The following PDPK1 variants were observed in gnomAD, a reference collection of about 807,000 sequenced individuals.
PDPK1 encodes 3-phosphoinositide dependent protein kinase 1.
Under a neutral mutation model 39.8 loss-of-function variants are expected in PDPK1, and 7 were observed. The observed-to-expected ratio is 0.18, with a 90% CI of 0.10 to 0.33. The LOEUF (loss-of-function observed/expected upper bound fraction) is 0.33, where lower values mean the gene tolerates loss of function less well. Ranked by LOEUF, PDPK1 falls within the 10% of genes least tolerant of loss-of-function variation. The pLI, the probability that PDPK1 is intolerant of heterozygous loss-of-function variation, is 1.00. For missense variants in PDPK1, 182 were observed against 384.7 expected (o/e 0.47, Z 4.41); for synonymous variants, 118 against 159.1 (o/e 0.74, Z 1.95).
chr16:2,543,162 G>A (rs574637919), intron 1 of PDPK1, among the ~76,000 whole-genome samples: 30 of 14,590 alleles, frequency 2.1e-3, no homozygotes, highest in Admixed American at 3.2e-3. Flanking sequence ...GTGGGAAAGG[G>A]GCCCGCACTC....
chr16:2,588,507 T>C (rs572729076), intron 11 of PDPK1, among the ~76,000 whole-genome samples: 13 of 152,184 alleles, frequency 8.5e-5, no homozygotes, highest in Non-Finnish European at 1.9e-4. Flanking sequence ...TCAGCTCCTT[T>C]GGTGACTCCC....
At chr16:2,585,582 G>A (rs559890852) in intron 10 of PDPK1, among the ~76,000 whole-genome samples, 15 of 152,344 alleles carry the variant, frequency 9.8e-5, no homozygotes, top group African/African-American at 2.9e-4. Flanking sequence ...TGTAAGTGCC[G>A]GGGCAGTGTG....
rs926575905 is a variant in PDPK1 at position 2,593,516 on chromosome 16, G to C, written c.1344-2277G>C. On this transcript the variant is annotated intron_variant, in intron 11 of 13. Transcript: ENST00000342085. This position sits in a 1 kb window ranked among gnomAD's most constrained non-coding sequence, Gnocchi z 4.2. ...ACACAGGTTGCAGGGATGGGCTGCT[G>C]TGTTCTTCTGGTTTTTCTCTCCTTC... 4 of 187,248 alleles carry C rather than the reference G, an allele frequency of 2.1e-5. No homozygotes were observed. The South Asian group carries it at 3.9e-4, about 18-fold the overall frequency. The allele number at this position is 187,248 out of a possible 1,614,324, so 11.6% of individuals were successfully genotyped here. A position where few individuals can be genotyped will look rare whatever the true frequency, so the allele number is the denominator to read the frequency against.
At chr16:2,538,532 G>C in intron 1 of PDPK1, 2 of 827,072 alleles carry the variant, frequency 2.4e-6, no homozygotes, top group Non-Finnish European at 3.5e-6. Flanking sequence ...ACCTGGAACG[G>C]GGTCCTTGGC....
intron 11 of PDPK1, among the ~76,000 whole-genome samples, chr16:2,595,186 A>G (rs946148468): frequency 2.0e-5 from 3 of 152,216 alleles, no homozygotes; most frequent in Admixed American, 2.0e-4. Flanking sequence ...AATAATGTAT[A>G]TTAAATTAAA....
At chr16:2,542,479 G>A (rs1205707799) in intron 1 of PDPK1, among the ~76,000 whole-genome samples, 2 of 152,150 alleles carry the variant, frequency 1.3e-5, no homozygotes, top group East Asian at 3.8e-4. Flanking sequence ...TTAAAGAGTT[G>A]GATTATACAG....
rs759751812 is a variant in PDPK1 at position 2,599,018 on chromosome 16, C to T, written c.*1251C>T. 61 of 233,212 alleles carry T rather than the reference C, an allele frequency of 2.6e-4. No individual in the cohort carries two copies. The highest frequency in any genetic ancestry group is 4.1e-4 in the Non-Finnish European group (49 of 118,076). The allele number at this position is 233,212 out of a possible 1,614,324, so 14.4% of individuals were successfully genotyped here. A position where few individuals can be genotyped will look rare whatever the true frequency, so the allele number is the denominator to read the frequency against. ...CACACTTCAACCCCAGCTTGCTGGT[C>T]GGCTTTCCTCTAGAGAGAGCCGGTT... On this transcript the variant is annotated 3_prime_UTR_variant, in exon 14 of 14. Transcript: ENST00000342085.
chr16:2,538,797 C>G (rs971010508), intron 1 of PDPK1: 95 of 1,262,042 alleles, frequency 7.5e-5, no homozygotes, highest in Non-Finnish European at 9.4e-5. Context: ...GGGGAAGGAC[C>G]AAAACAAACC....
chr16:2,542,563 A>T (rs1436692013), intron 1 of PDPK1, among the ~76,000 whole-genome samples: 14 of 152,274 alleles, frequency 9.2e-5, no homozygotes, highest in Admixed American at 5.9e-4. Context: ...TGACATTAGC[A>T]GCTCACTGTT....
chr16:2,577,278 GA>G, intron 6 of PDPK1, 146 bp from the exon 7 acceptor site: 1 of 714,942 alleles, frequency 1.4e-6, no homozygotes, highest in South Asian at 1.6e-5. Context: ...AGGCGTCTTT[GA>G]GCCGGTGAGC....
intron 11 of PDPK1, among the ~76,000 whole-genome samples, chr16:2,587,754 G>A (rs2066906669): frequency 6.6e-6 from 1 of 152,200 alleles, no homozygotes; most frequent in Non-Finnish European, 1.5e-5. Flanking sequence ...ATTTTTAAAA[G>A]CCACGTGTAT....
At chr16:2,592,541 G>T in intron 11 of PDPK1, 2 of 335,048 alleles carry the variant, frequency 6.0e-6, no homozygotes, top group East Asian at 9.0e-5. Flanking sequence ...TGGGCCTACT[G>T]GTGGGTACCT....
At position 2,586,710 on chromosome 16, in the gene PDPK1, A is replaced by G. The variant is rs370279457; in HGVS notation, c.1160A>G (p.Gln387Arg). The G allele has an allele frequency of 6.2e-7, 1 of 1,614,132 alleles. No individual in the cohort carries two copies. Among genetic ancestry groups the G allele is most frequent in the Non-Finnish European group, 8.5e-7 (1 of 1,180,052 alleles). Residue 387 changes from glutamine to arginine, a missense_variant, in exon 11 of 14, where the codon CAG becomes CGG. Around this residue, in one of 5 missense-constraint regions of PDPK1, gnomAD observed 90 missense variants for 111.9 expected, o/e 0.80. Transcript: ENST00000342085. ...CTCCTGAGCCAGTTTGGCTGCATGC[A>G]GGTGTCTTCGTCCTCCTCCTCACAC... ...DNLLSQFGCM[Q>R]VSSSSSSHSL...
chr16:2,594,769 T>C (rs1184949106), intron 11 of PDPK1, among the ~76,000 whole-genome samples: 1 of 151,742 alleles, frequency 6.6e-6, no homozygotes, highest in Non-Finnish European at 1.5e-5. Context: ...TCACTTGAGG[T>C]CAGGAATTCG....
intron 2 of PDPK1, among the ~76,000 whole-genome samples, chr16:2,560,157 C>T (rs1313118453): frequency 6.6e-6 from 1 of 151,864 alleles, no homozygotes; most frequent in African/African-American, 2.4e-5. Flanking sequence ...TTGTAGGAAA[C>T]CTGCTTGTGA....
chr16:2,596,616 T>C (rs1379916272), intron 12 of PDPK1, among the ~76,000 whole-genome samples: 1 of 152,250 alleles, frequency 6.6e-6, no homozygotes, highest in African/African-American at 2.4e-5. Flanking sequence ...TTTTCAAATA[T>C]AAATCATATT....
intron 4 of PDPK1, chr16:2,562,327 G>C (rs990376268): frequency 8.3e-6 from 1 of 119,768 alleles, no homozygotes; most frequent in Non-Finnish European, 1.8e-5. Flanking sequence ...GTCACCCCCA[G>C]CAGGTGCAGT....
chr16:2,576,658 G>A (rs1422973625), intron 6 of PDPK1: 1 of 146,818 alleles, frequency 6.8e-6, no homozygotes, highest in African/African-American at 2.7e-5. Flanking sequence ...TTCTAGACAC[G>A]GAGTCTCACT....
chr16:2,596,007 T>C (rs1305437861), intron 12 of PDPK1, among the ~76,000 whole-genome samples, 157 bp downstream of exon 12: 2 of 152,188 alleles, frequency 1.3e-5, no homozygotes, highest in Non-Finnish European at 2.9e-5. Context: ...CTTAAGTCCC[T>C]TGAGAGAAGC....
Sources: gnomAD v4.1 joint callset for allele counts (sites outside exome capture counted in the v4.1 genomes callset) on GRCh38, gnomAD v4.1.1 for gene constraint, gnomAD v4.1.1 regional missense constraint, Gnocchi (gnomAD v3.1) non-coding constraint, MANE v1.5 for transcripts, NCBI Gene and HGNC (gene_info 2026-07-23, HGNC 2026-07-21) for gene names.